The following SSBP3 variants were observed in gnomAD, a reference collection of about 807,000 sequenced individuals.
The protein encoded by SSBP3 is single-stranded DNA-binding protein 3.
In SSBP3, 5 loss-of-function variants were observed where a neutral mutation model predicts 69.6. That is an observed-to-expected ratio of 0.07 (90% CI 0.04 to 0.15). SSBP3 has a LOEUF of 0.15. Ranked by LOEUF, SSBP3 falls within the 10% of genes least tolerant of loss-of-function variation. The probability of loss-of-function intolerance (pLI) is 1.00; values close to 1 mark genes in which losing one functional copy is unlikely to be tolerated. For synonymous variants in SSBP3, 196 were observed against 193.4 expected, an observed-to-expected ratio of 1.01 and a Z score of -0.11; for missense variants, 312 against 534.0, an observed-to-expected ratio of 0.58 and a Z score of 4.10.
At position 54,241,522 on chromosome 1, in the gene SSBP3, T is replaced by C; in HGVS notation, c.766-13A>G. 2 of 1,613,726 alleles carry C rather than the reference T, an allele frequency of 1.2e-6. No homozygotes were observed. Among genetic ancestry groups the C allele is most frequent in the South Asian group, 2.2e-5 (2 of 91,072 alleles). On this transcript the variant is annotated splice_polypyrimidine_tract_variant and intron_variant, in intron 11 of 17. Transcript: ENST00000610401. ...AGGAGTATGGAATCTAAAAACAAGA[T>C]GTCAGGGAGCCCCACGTCAGAGTCA...
intron 14 of SSBP3, chr1:54,237,871 G>C (rs1644526686): frequency 3.0e-6 from 1 of 337,064 alleles, no homozygotes; most frequent in Admixed American, 3.9e-5. Flanking sequence ...GATCCATGGT[G>C]AATCACAAGT....
At position 54,404,950 on chromosome 1, in the gene SSBP3, C is replaced by T. The variant is rs369869389; in HGVS notation, c.57-20G>A. 75 of 1,607,872 alleles carry T rather than the reference C, an allele frequency of 4.7e-5. No homozygotes were observed. The highest frequency in any genetic ancestry group is 6.3e-5 in the Non-Finnish European group (74 of 1,176,638). ...GCTAACCTGGAAAGTGGACAGGGGG[C>T]AAAGAGAGAGAGGGAAAGGCGTCAG... On this transcript the variant is annotated intron_variant, in intron 1 of 17. Transcript: ENST00000610401.
chr1:54,265,333 T>C (rs573674123), intron 5 of SSBP3, among the ~76,000 whole-genome samples: 1 of 152,130 alleles, frequency 6.6e-6, no homozygotes, highest in East Asian at 1.9e-4. Flanking sequence ...TTATGTAGGG[T>C]GTGTATGTGT....
At chr1:54,340,956 A>G (rs1245151989) in intron 4 of SSBP3, among the ~76,000 whole-genome samples, 1 of 152,228 alleles carries the variant, frequency 6.6e-6, no homozygotes, top group Non-Finnish European at 1.5e-5. Flanking sequence ...GGAATCAGGA[A>G]CATCTGAATT....
intron 4 of SSBP3, among the ~76,000 whole-genome samples, chr1:54,340,361 A>C (rs545155153): frequency 9.5e-4 from 145 of 152,294 alleles, no homozygotes; most frequent in Middle Eastern, 6.8e-3. Context: ...GTTTGCTGCC[A>C]TTGAGAGCCA....
chr1:54,382,230 A>G (rs1330167723), intron 4 of SSBP3, among the ~76,000 whole-genome samples: 3 of 152,206 alleles, frequency 2.0e-5, no homozygotes, highest in African/African-American at 7.2e-5. Context: ...ATGTGCAGTA[A>G]GCATTTTATT....
At chr1:54,408,063 G>T (rs527469812), upstream of SSBP3, among the ~76,000 whole-genome samples, 1 of 152,232 alleles carries the variant, frequency 6.6e-6, no homozygotes, top group South Asian at 2.1e-4. Flanking sequence ...TCTACTCAAT[G>T]TAACAACCTC....
chr1:54,231,105 T>C (rs1424077237), intron 14 of SSBP3, among the ~76,000 whole-genome samples: 1 of 152,242 alleles, frequency 6.6e-6, no homozygotes, highest in Non-Finnish European at 1.5e-5. Context: ...GTCTGATCTT[T>C]CGAGGAAACG....
chr1:54,247,716 A>T (rs965761988), intron 9 of SSBP3, among the ~76,000 whole-genome samples: 2 of 152,182 alleles, frequency 1.3e-5, no homozygotes, highest in African/African-American at 4.8e-5. Flanking sequence ...GGTGGCTCTC[A>T]GAATTGGCAC....
chr1:54,375,982 G>A (rs1471890556), intron 4 of SSBP3, among the ~76,000 whole-genome samples: 2 of 152,180 alleles, frequency 1.3e-5, no homozygotes, highest in African/African-American at 4.8e-5. Context: ...GGGATAAGTA[G>A]GAGAGGTAGA....
upstream of SSBP3, among the ~76,000 whole-genome samples, chr1:54,410,913 A>G (rs1649971135): frequency 6.6e-6 from 1 of 152,196 alleles, no homozygotes; most frequent in Non-Finnish European, 1.5e-5. Flanking sequence ...GGGAGACAGT[A>G]ATTGGGGAAA....
At chr1:54,381,199 A>T (rs1191931662) in intron 4 of SSBP3, among the ~76,000 whole-genome samples, 1 of 152,058 alleles carries the variant, frequency 6.6e-6, no homozygotes, top group Admixed American at 6.5e-5. Flanking sequence ...CCTGGCCAAC[A>T]TGGTGAAATT....
chr1:54,300,404 C>T (rs144710448), intron 4 of SSBP3, among the ~76,000 whole-genome samples: 2 of 152,228 alleles, frequency 1.3e-5, no homozygotes, highest in Non-Finnish European at 2.9e-5. Flanking sequence ...AGCTCAGGGG[C>T]CCAGAGCAGG....
intron 4 of SSBP3, among the ~76,000 whole-genome samples, chr1:54,324,061 C>T (rs987150820): frequency 1.3e-5 from 2 of 152,148 alleles, no homozygotes; most frequent in Admixed American, 6.5e-5. Context: ...TTTATAGGTG[C>T]GGAATTAAGG....
intron 4 of SSBP3, among the ~76,000 whole-genome samples, chr1:54,388,629 G>A (rs977868238): frequency 2.0e-5 from 3 of 152,218 alleles, no homozygotes; most frequent in Admixed American, 6.5e-5. Flanking sequence ...ATCTGCTGCA[G>A]GTAATGCCAG....
At chr1:54,309,556 A>G (rs929737998) in intron 4 of SSBP3, among the ~76,000 whole-genome samples, 1 of 152,220 alleles carries the variant, frequency 6.6e-6, no homozygotes, top group African/African-American at 2.4e-5. Context: ...TCCTTTGCAC[A>G]CAGTCAATGA....
intron 4 of SSBP3, among the ~76,000 whole-genome samples, chr1:54,395,488 G>A (rs1648798440): frequency 6.6e-6 from 1 of 152,202 alleles, no homozygotes; most frequent in African/African-American, 2.4e-5. Context: ...ACATCTCAGA[G>A]ACGCCATTTA....
In SSBP3 at chr1:54,258,232, A is replaced by AC; in HGVS notation, c.367-84dup. On this transcript the variant is annotated intron_variant, in intron 5 of 17. Coordinates refer to ENST00000610401, the Ensembl canonical transcript of SSBP3. The surrounding 1 kb of genome is among the most constrained non-coding windows in gnomAD (Gnocchi z 4.5). ...AGCAGCTTAAAAGAACAAAAATTAA[A>AC]CCAAAACGAAGGGTGGGCGGCGGGC... The AC allele has an allele frequency of 3.2e-6, 2 of 629,708 alleles. No individual in the cohort carries two copies. Among genetic ancestry groups the AC allele is most frequent in the Non-Finnish European group, 4.3e-6 (2 of 465,466 alleles). The allele number at this position is 629,708 out of a possible 1,614,324, so 39.0% of individuals were successfully genotyped here.
intron 4 of SSBP3, among the ~76,000 whole-genome samples, chr1:54,309,861 G>A (rs1234494065): frequency 6.6e-6 from 1 of 152,168 alleles, no homozygotes; most frequent in Admixed American, 6.5e-5. Context: ...GGTCACACTC[G>A]ACAAGGCGCT....
Sources: allele counts gnomAD v4.1 joint callset (sites outside exome capture counted in the v4.1 genomes callset), GRCh38; gene constraint gnomAD v4.1.1; non-coding constraint Gnocchi (gnomAD v3.1); transcripts MANE v1.5; gene names NCBI Gene and HGNC (gene_info 2026-07-23, HGNC 2026-07-21).